Variants in GINS2 observed in about 807,000 individuals in gnomAD.
The protein encoded by GINS2 is GINS complex subunit 2.
Under a neutral mutation model 21.2 loss-of-function variants are expected in GINS2, and 23 were observed. That is an observed-to-expected ratio of 1.08 (90% CI 0.78 to 1.53). The LOEUF (loss-of-function observed/expected upper bound fraction) is 1.53, where lower values mean the gene tolerates loss of function less well. Ranked by LOEUF, GINS2 falls within the 40% of genes most tolerant of loss-of-function variation. The probability of loss-of-function intolerance (pLI) is 0.00; values close to 1 mark genes in which losing one functional copy is unlikely to be tolerated. For synonymous variants in GINS2, 118 were observed against 85.6 expected (o/e 1.38, Z -2.09); for missense variants, 323 against 233.9 (o/e 1.38, Z -2.49).
rs776634355 is a variant in GINS2, at chr16:85,678,631, C to T, written c.341G>A (p.Arg114Gln). Residue 114 changes from arginine to glutamine, a missense_variant, in exon 4 of 5, where the codon CGG (arginine) becomes CAG (glutamine). Arg to Gln is a conservative substitution (Grantham distance 43, BLOSUM62 1). Transcript: ENST00000253462. Reference protein sequence around the residue: ...SDNIPKADEIRTLVKDMWDTR... With the variant: ...SDNIPKADEIQTLVKDMWDTR... ...GTCCCACATATCCTTGACCAGGGTCCGGATTTCGTCTGCCTTCGGGATGTT... is the reference window on the plus strand; with the variant it reads ...GTCCCACATATCCTTGACCAGGGTCTGGATTTCGTCTGCCTTCGGGATGTT... 8 of 1,613,604 alleles carry T rather than the reference C, an allele frequency of 5.0e-6. No homozygotes were observed. The highest frequency in any genetic ancestry group is 1.1e-5 in the South Asian group (1 of 91,076).
intron 2 of GINS2, among the ~76,000 whole-genome samples, chr16:85,682,051 G>A (rs2053738421): frequency 2.6e-5 from 2 of 75,478 alleles, no homozygotes; most frequent in Non-Finnish European, 4.4e-5. Flanking sequence ...TTTTTTTTGA[G>A]AGGGTCTCTC....
At position 85,678,689 on chromosome 16, in the gene GINS2, C is replaced by T. The variant is rs755879553; in HGVS notation, c.306-23G>A. On this transcript the variant is annotated intron_variant, in intron 3 of 4. Transcript: ENST00000253462. ...GCACTAAAGGAGCAAGGGCTAAAGT[C>T]AGTCGGGGAACACTTGATAACCTGA... 36 of 1,609,488 alleles carry T rather than the reference C, an allele frequency of 2.2e-5. No homozygotes were observed. The East Asian group carries it at 6.0e-4, about 27-fold the overall frequency.
intron 2 of GINS2, among the ~76,000 whole-genome samples, chr16:85,683,585 T>G (rs2053751572): frequency 6.6e-6 from 1 of 152,240 alleles, no homozygotes; most frequent in South Asian, 2.1e-4. Context: ...GCTGTCAGCT[T>G]TCACTCTTCT....
At chr16:85,680,117 C>G (rs1400974308) in intron 3 of GINS2, among the ~76,000 whole-genome samples, 1 of 152,196 alleles carries the variant, frequency 6.6e-6, no homozygotes. Flanking sequence ...ACTGAAGATT[C>G]ACTATAGGCT....
In GINS2 at chr16:85,677,540, G is replaced by C. The variant is rs565325316; in HGVS notation, c.*672C>G. On this transcript the variant is annotated 3_prime_UTR_variant, in exon 5 of 5. Coordinates refer to ENST00000253462, the MANE Select transcript of GINS2 (RefSeq NM_016095.3). ...GAGCTAGAAGTAGCCAAGAGAAGGA[G>C]ACACCCCAGGTGTTGGTCTGCAGTT... 3 of 152,332 alleles carry C rather than the reference G, an allele frequency of 2.0e-5. No homozygotes were observed. Among genetic ancestry groups the C allele is most frequent in the Non-Finnish European group, 4.4e-5 (3 of 68,052 alleles). The allele number at this position is 152,332 out of a possible 1,614,324, so 9.4% of individuals were successfully genotyped here. A position where few individuals can be genotyped will look rare whatever the true frequency, so the allele number is the denominator to read the frequency against.
Position 85,678,120 on chromosome 16 carries a change from C to T in GINS2, c.*92G>A, listed in dbSNP as rs1442195604. On this transcript the variant is annotated 3_prime_UTR_variant, in exon 5 of 5. Transcript: ENST00000253462. The stretch of plus-strand genomic sequence containing the variant: ...GCACCATCACACATTTTTCATGCAT[C>T]AGAAGTGTTTCTAGAGCTCCAGAAC... 2 of 1,099,276 alleles carry T rather than the reference C, an allele frequency of 1.8e-6. No homozygotes were observed. Among genetic ancestry groups the T allele is most frequent in the East Asian group, 2.4e-5 (1 of 41,968 alleles). 68.1% of individuals were successfully genotyped at this position (1,099,276 alleles called of 1,614,324 possible).
chr16:85,680,021 C>G (rs544317447), intron 3 of GINS2, among the ~76,000 whole-genome samples: 1 of 152,316 alleles, frequency 6.6e-6, no homozygotes, highest in African/African-American at 2.4e-5. Flanking sequence ...TCCTACAAGT[C>G]TGCACTCCCA....
intron 2 of GINS2, among the ~76,000 whole-genome samples, chr16:85,682,953 AC>A (rs1358298729): frequency 6.6e-6 from 1 of 151,596 alleles, no homozygotes; most frequent in Non-Finnish European, 1.5e-5. Context: ...GCCTCAACCC[AC>A]CACCCACCTC....
At chr16:85,683,268 G>A (rs2053749181) in intron 2 of GINS2, among the ~76,000 whole-genome samples, 2 of 151,782 alleles carry the variant, frequency 1.3e-5, no homozygotes, top group African/African-American at 2.4e-5. Context: ...CTGACCTCTC[G>A]ACACTGGGAC....
chr16:85,686,790 T>C (rs1029331184), intron 2 of GINS2, among the ~76,000 whole-genome samples: 1 of 152,254 alleles, frequency 6.6e-6, no homozygotes, highest in Non-Finnish European at 1.5e-5. Context: ...CTGAATAATA[T>C]TCAACCTTAT....
At position 85,688,934 on chromosome 16, in the gene GINS2, C is replaced by T. The variant is rs966003433; in HGVS notation, c.-36G>A. On this transcript the variant is annotated 5_prime_UTR_variant, in exon 1 of 5. Transcript: ENST00000253462. ...GCTGCAGGCCAGAGCCTCACGGTCT[C>T]CTCGGGCCCCTCAGCGTCCCGGAGG... The T allele has an allele frequency of 7.0e-6, 10 of 1,426,994 alleles. No homozygotes were observed. Among genetic ancestry groups the T allele is most frequent in the African/African-American group, 4.4e-5 (3 of 68,358 alleles). 88.4% of individuals were successfully genotyped at this position (1,426,994 alleles called of 1,614,324 possible). A position where few individuals can be genotyped will look rare whatever the true frequency, so the allele number is the denominator to read the frequency against.
intron 1 of GINS2, 22 bp downstream of exon 1, chr16:85,688,787 C>A: frequency 1.4e-6 from 2 of 1,459,656 alleles, no homozygotes; most frequent in Admixed American, 2.2e-5. Flanking sequence ...CCTCCCCTCC[C>A]CACGGCGGGC....
intron 3 of GINS2, among the ~76,000 whole-genome samples, chr16:85,680,175 G>A (rs1333183328): frequency 6.6e-6 from 1 of 152,206 alleles, no homozygotes; most frequent in Non-Finnish European, 1.5e-5. Context: ...AGGCCTATGG[G>A]ACAAACGCCA....
chr16:85,678,045 A>G lies in GINS2; in HGVS notation c.*167T>C, dbSNP rs2152050403. Reference sequence around the variant, plus strand: ...GAATGTCCCAGGGAGCTAAGTTTTAAGGACTAATCACAAACTTGTTTCTCC... The same window carrying G: ...GAATGTCCCAGGGAGCTAAGTTTTAGGGACTAATCACAAACTTGTTTCTCC... On this transcript the variant is annotated 3_prime_UTR_variant, in exon 5 of 5. Transcript: ENST00000253462. The G allele has an allele frequency of 4.8e-6, 3 of 624,860 alleles. No individual in the cohort carries two copies. The East Asian group carries it at 8.3e-5, about 17-fold the overall frequency. The allele number at this position is 624,860 out of a possible 1,614,324, so 38.7% of individuals were successfully genotyped here.
chr16:85,687,351 A>C, intron 2 of GINS2, 109 bp downstream of exon 2: 1 of 591,922 alleles, frequency 1.7e-6, no homozygotes, highest in Non-Finnish European at 3.0e-6. Flanking sequence ...GAACAGAGGG[A>C]GCACGGACCT....
At position 85,683,003 on chromosome 16, in the gene GINS2, C is replaced by G. The variant is rs568112396; in HGVS notation, c.206-1322G>C. On this transcript the variant is annotated intron_variant, in intron 2 of 4. Transcript: ENST00000253462. ...AGCTGAGTGTGACCCACACACCACC[C>G]CATCCCCCAAACTCCCTGTGTAGCT... is the stretch of plus-strand genomic sequence containing the variant. Among the ~76,000 whole-genome samples the G allele has an allele frequency of 2.0e-5, 3 of 152,180 alleles. No homozygotes were observed. The South Asian group carries it at 6.2e-4, about 32-fold the overall frequency.
rs546922889 is a variant in GINS2 at position 85,683,738 on chromosome 16, C to T, written c.206-2057G>A. Among the ~76,000 whole-genome samples, 3 of 152,304 alleles carry T rather than the reference C, an allele frequency of 2.0e-5. No individual in the cohort carries two copies. The East Asian group carries it at 5.8e-4, about 29-fold the overall frequency. ...CTGGATTCATTCCCTGCTCCTATTG[C>T]ACCAACCTTCTCTACACAGCAGAGT... On this transcript the variant is annotated intron_variant, in intron 2 of 4. Transcript: ENST00000253462.
chr16:85,687,283 C>G (rs1463317002), intron 2 of GINS2, among the ~76,000 whole-genome samples, 177 bp downstream of exon 2: 1 of 152,268 alleles, frequency 6.6e-6, no homozygotes, highest in African/African-American at 2.4e-5. Context: ...CAGTGGTTAG[C>G]AGACTCTGCT....
At chr16:85,681,825 G>C (rs912889358) in intron 2 of GINS2, 144 bp from the exon 3 acceptor site, 3 of 601,824 alleles carry the variant, frequency 5.0e-6, no homozygotes, top group African/African-American at 3.8e-5. Flanking sequence ...GATGACATTT[G>C]TATCATTATC....
Sources: allele counts gnomAD v4.1 joint callset (sites outside exome capture counted in the v4.1 genomes callset), GRCh38; gene constraint gnomAD v4.1.1; transcripts MANE v1.5; gene names NCBI Gene and HGNC (gene_info 2026-07-23, HGNC 2026-07-21).